KIF13A: variants seen among roughly 807,000 people sequenced by gnomAD.
KIF13A encodes the protein kinesin family member 13A.
In KIF13A, 79 loss-of-function variants were observed where a neutral mutation model predicts 212.2. The ratio of observed to expected loss-of-function variants is 0.37; its 90% confidence interval spans 0.31 to 0.45. KIF13A has a LOEUF of 0.45. KIF13A is among the 20% of genes least tolerant of loss of function. KIF13A has a pLI of 1.00. For synonymous variants in KIF13A, 789 were observed against 808.6 expected (o/e 0.98, Z 0.41); for missense variants, 1,901 against 2,209.0 (o/e 0.86, Z 2.79).
At chr6:17,869,638 ACC>A (rs10597043) in intron 4 of KIF13A, among the ~76,000 whole-genome samples, 123,223 of 152,026 alleles carry the variant, frequency 0.81, 50,411 homozygotes, top group African/African-American at 0.91. Context: ...ATGCCATTAT[ACC>A]CCCACTAGAG....
Position 17,764,320 on chromosome 6 carries a change from T to C in KIF13A, c.5208A>G (p.Thr1736=). The C allele has an allele frequency of 6.2e-7, 1 of 1,614,028 alleles. No individual in the cohort carries two copies. Among genetic ancestry groups the C allele is most frequent in the African/African-American group, 1.3e-5 (1 of 75,040 alleles). Residue 1736 remains threonine (T), a synonymous_variant, in exon 39 of 39, where the codon ACA becomes ACG. Transcript: ENST00000259711. This position sits in a 1 kb window ranked among gnomAD's most constrained non-coding sequence, Gnocchi z 5.1. ...TTNILEDHSF[T]EFMGVSEGKD... ...TTCCCTCTGACACTCCCATAAATTC[T>C]GTGAAAGAATGGTCTTCAAGGATGT... is the stretch of plus-strand genomic sequence containing the variant.
chr6:17,764,776 T>C lies in KIF13A; in HGVS notation c.4752A>G (p.Lys1584=), dbSNP rs2150282090. Residue 1584 remains lysine, a synonymous_variant, in exon 39 of 39, where the codon AAA becomes AAG. Transcript: ENST00000259711. The surrounding 1 kb of genome is among the most constrained non-coding windows in gnomAD (Gnocchi z 5.1). ...TGGTGGTAGGGCTACGGGACACTTC[T>C]TTCTCCAAGACCCGTGAGTTTGACA... ...VDLSNSRVLE[K]EVSRSPTTSS... The C allele has an allele frequency of 1.2e-6, 2 of 1,613,252 alleles. No individual in the cohort carries two copies. Among genetic ancestry groups the C allele is most frequent in the East Asian group, 2.2e-5 (1 of 44,876 alleles).
At chr6:17,862,809 A>G (rs915675379) in intron 4 of KIF13A, among the ~76,000 whole-genome samples, 30 of 152,036 alleles carry the variant, frequency 2.0e-4, no homozygotes, top group Middle Eastern at 3.4e-3. Context: ...TTAGCTGGGC[A>G]TGGTGGCGGG....
intron 20 of KIF13A, among the ~76,000 whole-genome samples, chr6:17,804,149 C>CACAA (rs1561994074): frequency 5.0e-4 from 29 of 58,074 alleles, no homozygotes; most frequent in African/African-American, 1.6e-3. Context: ...GAGACTCCGT[C>CACAA]TCAAACAAAC....
chr6:17,804,241 A>G, intron 20 of KIF13A, 120 bp downstream of exon 20: 1 of 805,048 alleles, frequency 1.2e-6, no homozygotes, highest in Non-Finnish European at 1.8e-6. Flanking sequence ...GCAGACCTTG[A>G]CTATTTGCCT....
intron 2 of KIF13A, among the ~76,000 whole-genome samples, chr6:17,931,840 T>C (rs918053311): frequency 2.0e-5 from 3 of 152,136 alleles, no homozygotes; most frequent in African/African-American, 7.2e-5. Context: ...ATGCAGAAAG[T>C]ATAAAAGAAA....
chr6:17,816,983 G>A lies in KIF13A; in HGVS notation c.2000+37C>T, dbSNP rs1438007175. On this transcript the variant is annotated intron_variant, in intron 17 of 38. Transcript: ENST00000259711. The surrounding 1 kb of genome is among the most constrained non-coding windows in gnomAD (Gnocchi z 4.3). ...CTCCCTCAAAGACCCACGGCCTTGG[G>A]GCCTTGACTCTGGGCTGCCCCCGCT... 6.4e-7 allele frequency: 1 copy of A among 1,556,868 alleles called. No homozygotes were observed. Among genetic ancestry groups the A allele is most frequent in the African/African-American group, 1.4e-5 (1 of 73,828 alleles).
At chr6:17,822,213 T>C (rs1365465067) in intron 16 of KIF13A, among the ~76,000 whole-genome samples, 1 of 152,004 alleles carries the variant, frequency 6.6e-6, no homozygotes, top group Non-Finnish European at 1.5e-5. Flanking sequence ...GGCTAAATTT[T>C]TGTATTTTTA....
chr6:17,873,114 A>G (rs1485000929), intron 4 of KIF13A: 1 of 353,322 alleles, frequency 2.8e-6, no homozygotes, highest in Non-Finnish European at 5.1e-6. Context: ...TTTGTGTTGG[A>G]TGGAATGAGG....
chr6:17,800,672 C>G (rs1762402335), intron 20 of KIF13A, among the ~76,000 whole-genome samples: 1 of 151,216 alleles, frequency 6.6e-6, no homozygotes, highest in South Asian at 2.1e-4. Context: ...GTGATCTCGG[C>G]TCACTGCAAC....
chr6:17,913,261 T>C (rs1774229177), intron 2 of KIF13A, among the ~76,000 whole-genome samples: 1 of 152,118 alleles, frequency 6.6e-6, no homozygotes, highest in Non-Finnish European at 1.5e-5. Context: ...CCAGGACGGA[T>C]TCTGAAACAT....
At chr6:17,882,850 C>T (rs769043462) in intron 3 of KIF13A, among the ~76,000 whole-genome samples, 16 of 152,260 alleles carry the variant, frequency 1.1e-4, no homozygotes, top group South Asian at 4.1e-4. Context: ...GCGTGCGGCA[C>T]GGCACCCGGC....
chr6:17,887,454 T>A (rs1771648081), intron 3 of KIF13A, among the ~76,000 whole-genome samples: 1 of 152,194 alleles, frequency 6.6e-6, no homozygotes, highest in African/African-American at 2.4e-5. Flanking sequence ...TTATCTTCTA[T>A]CTTGCAGCCG....
intron 2 of KIF13A, among the ~76,000 whole-genome samples, chr6:17,911,996 T>G (rs1471729409): frequency 6.6e-6 from 1 of 152,096 alleles, no homozygotes; most frequent in Non-Finnish European, 1.5e-5. Context: ...ACTCCTGAGC[T>G]CAGGCGATTA....
chr6:17,765,844 T>C (rs1259085043), intron 38 of KIF13A, among the ~76,000 whole-genome samples: 2 of 152,232 alleles, frequency 1.3e-5, no homozygotes, highest in Non-Finnish European at 2.9e-5. Flanking sequence ...AAGCACCTAA[T>C]GAAATCGCAA....
In KIF13A at chr6:17,779,549, G is replaced by A. The variant is rs757795111; in HGVS notation, c.3939+43C>T. ...GGCCTCTCAAAGTGCTGGGATTACA[G>A]GCATGAGCCACTGCGCCCGGCCTAA... On this transcript the variant is annotated intron_variant, in intron 32 of 38. Transcript: ENST00000259711. 9.1e-6 allele frequency: 8 copies of A among 880,132 alleles called. 1 individual carries two copies. The African/African-American group carries it at 1.0e-4, about 11-fold the overall frequency. The allele number at this position is 880,132 out of a possible 1,614,324, so 54.5% of individuals were successfully genotyped here. A position where few individuals can be genotyped will look rare whatever the true frequency, so the allele number is the denominator to read the frequency against.
chr6:17,898,595 A>G lies in KIF13A; in HGVS notation c.147-415T>C, dbSNP rs969101289. 2.0e-5 allele frequency among the ~76,000 whole-genome samples: 3 copies of G among 152,150 alleles called. No homozygotes were observed. Among genetic ancestry groups the G allele is most frequent in the African/African-American group, 7.2e-5 (3 of 41,448 alleles). On this transcript the variant is annotated intron_variant, in intron 2 of 38. Transcript: ENST00000259711. This position sits in a 1 kb window ranked among gnomAD's most constrained non-coding sequence, Gnocchi z 5.2. ...CTTAAATTTTTGTTAAAATATATGC[A>G]TATTTTCCTTTGATAAATACATATA...
chr6:17,976,023 A>G (rs968117534), intron 2 of KIF13A, among the ~76,000 whole-genome samples: 7 of 152,312 alleles, frequency 4.6e-5, no homozygotes, highest in South Asian at 2.1e-4. Context: ...TGGTATGTTT[A>G]CAAACCTTGA....
At chr6:17,940,817 A>ATTTTTTTT (rs11325656) in intron 2 of KIF13A, among the ~76,000 whole-genome samples, 1 of 140,512 alleles carries the variant, frequency 7.1e-6, no homozygotes, top group Non-Finnish European at 1.5e-5. Flanking sequence ...ATGTAAATTT[A>ATTTTTTTT]TTTTTTTTTT....
Sources: gnomAD v4.1 joint callset for allele counts (sites outside exome capture counted in the v4.1 genomes callset) on GRCh38, gnomAD v4.1.1 for gene constraint, Gnocchi (gnomAD v3.1) non-coding constraint, MANE v1.5 for transcripts, NCBI Gene and HGNC (gene_info 2026-07-23, HGNC 2026-07-21) for gene names.